RPTOR: variants seen among roughly 807,000 people sequenced by gnomAD.
RPTOR encodes regulatory associated protein of MTOR complex 1.
RPTOR carries 21 observed loss-of-function variants against 169.9 expected under a neutral mutation model. The observed-to-expected ratio is 0.12, with a 90% CI of 0.09 to 0.18. RPTOR has a LOEUF of 0.18. Ranked by LOEUF, RPTOR falls within the 10% of genes least tolerant of loss-of-function variation. The pLI is 1.00. For missense variants in RPTOR, 1,133 were observed against 1,855.9 expected, an observed-to-expected ratio of 0.61 and a Z score of 7.16; for synonymous variants, 732 against 753.2, an observed-to-expected ratio of 0.97 and a Z score of 0.46.
chr17:80,685,222 C>T (rs769713135), intron 3 of RPTOR, among the ~76,000 whole-genome samples: 17 of 151,594 alleles, frequency 1.1e-4, no homozygotes, highest in Non-Finnish European at 1.9e-4. Flanking sequence ...TCAGTGTATG[C>T]CAGTGTGTGC....
At chr17:80,604,926 T>TC (rs1012019763) in intron 1 of RPTOR, among the ~76,000 whole-genome samples, 2 of 145,286 alleles carry the variant, frequency 1.4e-5, no homozygotes, top group Non-Finnish European at 3.1e-5. Flanking sequence ...TCTTTTTTTT[T>TC]TTCCCCTTTT....
At chr17:80,815,557 G>A (rs2067314002) in intron 7 of RPTOR, among the ~76,000 whole-genome samples, 1 of 152,260 alleles carries the variant, frequency 6.6e-6, no homozygotes, top group Non-Finnish European at 1.5e-5. Flanking sequence ...GAAGTGACAT[G>A]GCCCAGGCCT....
At chr17:80,920,311 C>G (rs909651374) in intron 21 of RPTOR, among the ~76,000 whole-genome samples, 2 of 152,212 alleles carry the variant, frequency 1.3e-5, no homozygotes, top group East Asian at 3.8e-4. Flanking sequence ...AAGTGCACAG[C>G]TAAAGAAAGC....
At chr17:80,725,789 G>A (rs1272401831) in intron 4 of RPTOR, among the ~76,000 whole-genome samples, 3 of 152,188 alleles carry the variant, frequency 2.0e-5, no homozygotes, top group Non-Finnish European at 2.9e-5. Flanking sequence ...TCCACACTGT[G>A]GCTTAATAGA....
At position 80,544,926 on chromosome 17, in the gene RPTOR, A is replaced by C. The variant is rs115556209; in HGVS notation, c.-704A>C. On this transcript the variant is annotated 5_prime_UTR_variant, in exon 1 of 34. Transcript: ENST00000306801. Reference sequence around the variant, plus strand: ...CAGAGGGCAAAGCTCCCATGACCCAATAAGCCCACATTGTCCCTTTCCTCC... The same window carrying C: ...CAGAGGGCAAAGCTCCCATGACCCACTAAGCCCACATTGTCCCTTTCCTCC... The C allele has an allele frequency of 4.4e-6, 1 of 229,570 alleles. No individual in the cohort carries two copies. Among genetic ancestry groups the C allele is most frequent in the Non-Finnish European group, 8.7e-6 (1 of 115,546 alleles). 14.2% of individuals were successfully genotyped at this position (229,570 alleles called of 1,614,324 possible).
At chr17:80,685,451 T>A (rs76877469) in intron 3 of RPTOR, among the ~76,000 whole-genome samples, 1 of 98,762 alleles carries the variant, frequency 1.0e-5, no homozygotes, top group South Asian at 2.4e-4. Context: ...AATTAAAACA[T>A]TTTTTTTTTT....
intron 2 of RPTOR, among the ~76,000 whole-genome samples, chr17:80,638,964 C>CG (rs1599625883): frequency 6.6e-6 from 1 of 152,184 alleles, no homozygotes; most frequent in Non-Finnish European, 1.5e-5. Context: ...GCAAGGGCCG[C>CG]GGGTCCCGGC....
At chr17:80,853,223 G>A (rs1170073961) in intron 11 of RPTOR, among the ~76,000 whole-genome samples, 2 of 151,830 alleles carry the variant, frequency 1.3e-5, no homozygotes, top group Non-Finnish European at 2.9e-5. Context: ...TCCCTATCCG[G>A]CCCCTCCCCC....
intron 9 of RPTOR, among the ~76,000 whole-genome samples, chr17:80,826,300 GC>G (rs2067442410): frequency 6.6e-6 from 1 of 152,216 alleles, no homozygotes; most frequent in South Asian, 2.1e-4. Flanking sequence ...GAAGCGCAGT[GC>G]AGAGGAGCTC....
Position 80,961,296 on chromosome 17 carries a change from C to A in RPTOR, c.3606-98C>A, listed in dbSNP as rs551805019. The A allele has an allele frequency of 2.7e-3, 3,241 of 1,186,106 alleles. 6 individuals are homozygous for A. The highest frequency in any genetic ancestry group is 3.3e-3 in the Non-Finnish European group (2,789 of 855,314). 73.5% of individuals were successfully genotyped at this position (1,186,106 alleles called of 1,614,324 possible). On this transcript the variant is annotated intron_variant, in intron 30 of 33. Transcript: ENST00000306801. ...GGACGGGCGAGGGCCTGCGGACCCG[C>A]TGGCACAGGCAGACCTGGGCAGCTC...
rs34726568 is a variant in RPTOR, at chr17:80,545,301, T to TA, written c.-328dup. 47,258 of 260,996 alleles carry TA rather than the reference T, an allele frequency of 0.18. 4,838 individuals carry two copies. The highest frequency in any genetic ancestry group is 0.31 in the East Asian group (5,472 of 17,630). The allele number at this position is 260,996 out of a possible 1,614,324, so 16.2% of individuals were successfully genotyped here. ...GGTCATCGTGAGGCCTGAAGTCTCT[T>TA]ACGCTTTTGGCAGCTCCCCTCGCAG... On this transcript the variant is annotated 5_prime_UTR_variant, in exon 1 of 34. Coordinates refer to ENST00000306801, the MANE Select transcript of RPTOR (RefSeq NM_020761.3).
intron 5 of RPTOR, among the ~76,000 whole-genome samples, chr17:80,748,238 G>A (rs1205390559): frequency 4.6e-4 from 20 of 43,212 alleles, no homozygotes; most frequent in South Asian, 1.1e-3. Context: ...GGATGGAGGG[G>A]CTGCGGTGTG....
chr17:80,825,246 C>T (rs1218586417), intron 9 of RPTOR, among the ~76,000 whole-genome samples: 27 of 147,436 alleles, frequency 1.8e-4, no homozygotes, highest in African/African-American at 6.3e-4. Context: ...ATCTAGAGGC[C>T]GCGTGGCGAG....
chr17:80,676,057 A>G (rs1308401864), intron 3 of RPTOR, among the ~76,000 whole-genome samples: 7 of 152,222 alleles, frequency 4.6e-5, no homozygotes, highest in African/African-American at 1.7e-4. Flanking sequence ...TATCAAGTGT[A>G]GCCATTTCTG....
chr17:80,642,370 C>G (rs1293339324), intron 2 of RPTOR, among the ~76,000 whole-genome samples: 1 of 151,878 alleles, frequency 6.6e-6, no homozygotes, highest in African/African-American at 2.4e-5. Flanking sequence ...GATCCACCCA[C>G]CTTGGCCTCT....
chr17:80,931,777 C>G (rs143136681), intron 24 of RPTOR, among the ~76,000 whole-genome samples: 1,924 of 152,286 alleles, frequency 0.013, 18 homozygotes, highest in Non-Finnish European at 0.021. Context: ...GGCCCTGCCT[C>G]AGTCAGAGTC....
chr17:80,628,940 A>G (rs2065417075), intron 2 of RPTOR, among the ~76,000 whole-genome samples: 1 of 150,846 alleles, frequency 6.6e-6, no homozygotes, highest in Admixed American at 6.6e-5. Context: ...ATTGTACCGC[A>G]GCTCTTCCAT....
intron 17 of RPTOR, among the ~76,000 whole-genome samples, 171 bp downstream of exon 17, chr17:80,885,319 C>G (rs1215170390): frequency 6.6e-6 from 1 of 152,246 alleles, no homozygotes; most frequent in Non-Finnish European, 1.5e-5. Context: ...CGTTTCTTTA[C>G]CAGACACCCA....
chr17:80,887,562 A>G (rs1281730231), intron 17 of RPTOR, among the ~76,000 whole-genome samples: 2 of 152,128 alleles, frequency 1.3e-5, no homozygotes, highest in African/African-American at 4.8e-5. Flanking sequence ...CCATTCTCGC[A>G]GCCTCTTCTC....
Sources: allele counts gnomAD v4.1 joint callset (sites outside exome capture counted in the v4.1 genomes callset), GRCh38; gene constraint gnomAD v4.1.1; transcripts MANE v1.5; gene names NCBI Gene and HGNC (gene_info 2026-07-23, HGNC 2026-07-21).